TBC1D22A: variants seen among roughly 807,000 people sequenced by gnomAD.
The protein encoded by TBC1D22A is putative GTPase activator.
A neutral mutation model predicts 60.2 loss-of-function variants in TBC1D22A; 38 were observed. That is an observed-to-expected ratio of 0.63 (90% CI 0.49 to 0.83). The LOEUF is 0.83. Ranked by LOEUF, TBC1D22A falls within the 40% of genes least tolerant of loss-of-function variation. The pLI is 0.00. For synonymous variants in TBC1D22A, 302 were observed against 281.7 expected (o/e 1.07, Z -0.72); for missense variants, 628 against 701.0 (o/e 0.90, Z 1.18).
In TBC1D22A at chr22:47,146,612, C is replaced by T. The variant is rs574422228; in HGVS notation, c.1426-26886C>T. 5.9e-5 allele frequency among the ~76,000 whole-genome samples: 9 copies of T among 152,334 alleles called. No individual in the cohort carries two copies. In the South Asian group the frequency reaches 1.9e-3, roughly 32 times the overall value. ...TCCAGAGATAATCAAATTGGATTAG[C>T]TTTCAGAGTGGGCTGCAGGAATTGA... On this transcript the variant is annotated intron_variant, in intron 12 of 12. Coordinates refer to ENST00000337137, the MANE Select transcript of TBC1D22A (RefSeq NM_014346.5).
At chr22:47,165,229 C>T (rs563239642) in intron 12 of TBC1D22A, among the ~76,000 whole-genome samples, 33 of 152,216 alleles carry the variant, frequency 2.2e-4, no homozygotes, top group African/African-American at 7.0e-4. Context: ...GGGAGTGACT[C>T]GTGTTTGCCT....
chr22:46,858,451 T>C (rs1355471844), intron 4 of TBC1D22A, among the ~76,000 whole-genome samples: 4 of 126,796 alleles, frequency 3.2e-5, no homozygotes, highest in African/African-American at 1.4e-4. Flanking sequence ...CTTTGTTTCT[T>C]GTGGCAAACA....
intron 4 of TBC1D22A, among the ~76,000 whole-genome samples, chr22:46,878,018 T>A (rs931799171): frequency 6.6e-6 from 1 of 152,104 alleles, no homozygotes; most frequent in Non-Finnish European, 1.5e-5. Context: ...CTACTCGTGA[T>A]TTTTTTCTAC....
At chr22:46,936,649 C>T (rs757476704) in intron 8 of TBC1D22A, among the ~76,000 whole-genome samples, 21 of 152,300 alleles carry the variant, frequency 1.4e-4, no homozygotes, top group African/African-American at 3.6e-4. Flanking sequence ...GTCAGTTAAC[C>T]GCTCAGGCTC....
At chr22:46,900,525 C>T (rs1396896487) in intron 7 of TBC1D22A, among the ~76,000 whole-genome samples, 5 of 152,114 alleles carry the variant, frequency 3.3e-5, no homozygotes, top group Non-Finnish European at 5.9e-5. Flanking sequence ...TGCGAGGTTC[C>T]CCATGTCCCT....
In TBC1D22A at chr22:47,133,783, C is replaced by T. The variant is rs574251453; in HGVS notation, c.1425+22180C>T. ...GCCTGCGCGAGGCAGCTTTGCCATA[C>T]GTCATGCCAATACTTCATTGATCCA... On this transcript the variant is annotated intron_variant, in intron 12 of 12. Transcript: ENST00000337137. Among the ~76,000 whole-genome samples, 166 of 152,330 alleles carry T rather than the reference C, an allele frequency of 1.1e-3. 1 individual carries two copies. The highest frequency in any genetic ancestry group is 7.7e-3 in the South Asian group (37 of 4,826).
chr22:46,979,582 T>C (rs967277822), intron 9 of TBC1D22A, among the ~76,000 whole-genome samples: 11 of 152,192 alleles, frequency 7.2e-5, no homozygotes, highest in African/African-American at 2.2e-4. Context: ...GGGCTGAGCC[T>C]GAGCGCAGTG....
intron 8 of TBC1D22A, among the ~76,000 whole-genome samples, chr22:46,945,116 G>A (rs2072449917): frequency 6.6e-6 from 1 of 152,184 alleles, no homozygotes; most frequent in Non-Finnish European, 1.5e-5. Context: ...AAGTCAGAGT[G>A]GAATCCTCAT....
intron 8 of TBC1D22A, among the ~76,000 whole-genome samples, chr22:46,919,864 G>C (rs2070635516): frequency 6.6e-6 from 1 of 151,918 alleles, no homozygotes. Context: ...TTGTAAAGAG[G>C]AATAAATTCC....
rs986266207 is a variant in TBC1D22A, at chr22:46,817,063, A to G, written c.637+19443A>G. On this transcript the variant is annotated intron_variant, in intron 4 of 12. Coordinates refer to ENST00000337137, the MANE Select transcript of TBC1D22A (RefSeq NM_014346.5). Reference sequence around the variant, plus strand: ...ATTCTTTCTAAACTCATCAAGTTGTATACATTTAAGTAGGCACATCTTTTT... The same window carrying G: ...ATTCTTTCTAAACTCATCAAGTTGTGTACATTTAAGTAGGCACATCTTTTT... 9.2e-5 allele frequency among the ~76,000 whole-genome samples: 14 copies of G among 152,364 alleles called. No homozygotes were observed. In the East Asian group the frequency reaches 9.6e-4, roughly 10 times the overall value.
intron 11 of TBC1D22A, among the ~76,000 whole-genome samples, chr22:47,074,330 A>C (rs531173284): frequency 3.9e-5 from 6 of 152,188 alleles, no homozygotes; most frequent in Non-Finnish European, 8.8e-5. Context: ...GTTTTCCCTA[A>C]TGTGTGTCAA....
chr22:47,096,643 A>G lies in TBC1D22A; in HGVS notation c.1330-14865A>G, dbSNP rs147742334. ...TTGAGACCAGCCTGGCCAACATGGC[A>G]AAACCCCATCTCTACTAAAAATACA... is the stretch of plus-strand genomic sequence containing the variant. On this transcript the variant is annotated intron_variant, in intron 11 of 12. Coordinates refer to ENST00000337137, the MANE Select transcript of TBC1D22A (RefSeq NM_014346.5). 8.4e-3 allele frequency among the ~76,000 whole-genome samples: 1,279 copies of G among 152,110 alleles called. 20 individuals carry two copies. The highest frequency in any genetic ancestry group is 0.029 in the African/African-American group (1,209 of 41,500).
In TBC1D22A at chr22:47,154,250, C is replaced by A. The variant is rs1417233085; in HGVS notation, c.1426-19248C>A. On this transcript the variant is annotated intron_variant, in intron 12 of 12. Coordinates refer to ENST00000337137, the MANE Select transcript of TBC1D22A (RefSeq NM_014346.5). Reference sequence around the variant, plus strand: ...CTCCAGCCCACCTCCTCACACTCTGCGCTTTTGAGAGCTGTTCCTAGTGTC... The same window carrying A: ...CTCCAGCCCACCTCCTCACACTCTGAGCTTTTGAGAGCTGTTCCTAGTGTC... Among the ~76,000 whole-genome samples the A allele has an allele frequency of 2.6e-5, 4 of 152,264 alleles. No homozygotes were observed. In the East Asian group the frequency reaches 7.7e-4, roughly 29 times the overall value.
intron 8 of TBC1D22A, among the ~76,000 whole-genome samples, chr22:46,937,431 G>A (rs1036257811): frequency 3.3e-5 from 5 of 152,270 alleles, no homozygotes; most frequent in Non-Finnish European, 5.9e-5. Flanking sequence ...CATTAACCAC[G>A]TGTTTGTGCT....
At chr22:46,799,316 ATG>A (rs1227429461) in intron 4 of TBC1D22A, among the ~76,000 whole-genome samples, 1 of 152,170 alleles carries the variant, frequency 6.6e-6, no homozygotes. Flanking sequence ...ACCATTCTGC[ATG>A]TGTGTGCCTG....
rs549342400 is a variant in TBC1D22A, at chr22:46,802,051, C to T, written c.637+4431C>T. ...GTAGGCCCTCAGTGTGATGGCTGGC[C>T]GTGTCCTTACTCATGAAGTGGCTCA... is the stretch of plus-strand genomic sequence containing the variant. On this transcript the variant is annotated intron_variant, in intron 4 of 12. Transcript: ENST00000337137. 6.6e-4 allele frequency among the ~76,000 whole-genome samples: 100 copies of T among 152,312 alleles called. 1 individual carries two copies. The South Asian group carries it at 0.019, about 29-fold the overall frequency.
chr22:46,838,644 A>C (rs902523490), intron 4 of TBC1D22A, among the ~76,000 whole-genome samples: 2 of 152,252 alleles, frequency 1.3e-5, no homozygotes, highest in Non-Finnish European at 2.9e-5. Context: ...TGATGAACAT[A>C]GATGCAAAAG....
intron 4 of TBC1D22A, among the ~76,000 whole-genome samples, chr22:46,872,549 C>A (rs1197452223): frequency 6.6e-6 from 1 of 152,170 alleles, no homozygotes; most frequent in Non-Finnish European, 1.5e-5. Flanking sequence ...GGACAACAGG[C>A]AGTGCAGGGC....
intron 11 of TBC1D22A, among the ~76,000 whole-genome samples, chr22:47,049,880 A>T (rs2063153235): frequency 1.3e-5 from 2 of 152,140 alleles, no homozygotes; most frequent in Non-Finnish European, 2.9e-5. Context: ...CCCGTAAAAG[A>T]GGTGTTCAGG....
Sources: allele counts gnomAD v4.1 joint callset (sites outside exome capture counted in the v4.1 genomes callset), GRCh38; gene constraint gnomAD v4.1.1; transcripts MANE v1.5; gene names NCBI Gene and HGNC (gene_info 2026-07-23, HGNC 2026-07-21).